Variants in ADCY6 observed in about 807,000 individuals in gnomAD.
ADCY6 encodes the protein adenylate cyclase type 6.
In ADCY6, 59 loss-of-function variants were observed where a neutral mutation model predicts 111.6. The observed-to-expected ratio is 0.53, with a 90% confidence interval of 0.43 to 0.66. ADCY6 has a LOEUF of 0.66. Among genes scored for constraint, ADCY6 ranks in the 30% least tolerant of loss-of-function variants. The pLI, the probability that ADCY6 is intolerant of heterozygous loss-of-function variation, is 0.00. For synonymous variants in ADCY6, 576 were observed against 642.9 expected (o/e 0.90, Z 1.57); for missense variants, 1,242 against 1,595.6 (o/e 0.78, Z 3.78).
chr12:48,772,991 T>C (rs1004382120), intron 16 of ADCY6, among the ~76,000 whole-genome samples: 26 of 152,200 alleles, frequency 1.7e-4, no homozygotes, highest in African/African-American at 6.3e-4. Flanking sequence ...ACACAGCTAA[T>C]GAGCAGCAGA....
chr12:48,777,454 T>G lies in ADCY6; in HGVS notation c.1204A>C (p.Met402Leu), dbSNP rs1028641078. The change falls in exon 5 of 22, where the codon ATG (methionine) becomes CTG (leucine). Residue 402 changes from methionine to leucine, a missense_variant. Around this residue, in one of 4 missense-constraint regions of ADCY6, gnomAD observed 260 missense variants for 414.6 expected, o/e 0.63. Transcript: ENST00000357869. This position sits in a 1 kb window ranked among gnomAD's most constrained non-coding sequence, Gnocchi z 4.9. ...CGGGCAAAGAGCTCATTCAGGGTCA[T>G]GACCAGCTCCTGCGCAGTGCACTGG... ...ASQCTAQELV[M>L]TLNELFARFD... 1 of 1,613,306 alleles carries G rather than the reference T, an allele frequency of 6.2e-7. No homozygotes were observed. The highest frequency in any genetic ancestry group is 8.5e-7 in the Non-Finnish European group (1 of 1,180,036).
chr12:48,783,503 C>T (rs1941911680), intron 1 of ADCY6, 65 bp from the exon 2 acceptor site: 1 of 1,602,664 alleles, frequency 6.2e-7, no homozygotes, highest in African/African-American at 1.3e-5. Flanking sequence ...ATACCACCAT[C>T]ACAGCCACTG....
chr12:48,783,073 C>A lies in ADCY6; in HGVS notation c.362G>T (p.Arg121Leu). The A allele has an allele frequency of 1.9e-6, 3 of 1,612,750 alleles. No homozygotes were observed. The highest frequency in any genetic ancestry group is 2.5e-6 in the Non-Finnish European group (3 of 1,179,650). ...VPRSGRSCWR[R>L]LVQVFQSKQF... is the part of the protein sequence containing the mutation. ...CTTCGACTGGAACACCTGCACCAGA[C>A]GGCGCCAGCAGGATCGCCCACTCCT... Residue 121 changes from arginine (R) to leucine (L), a missense_variant, in exon 2 of 22, where the codon CGT becomes CTT. Around this residue, in one of 4 missense-constraint regions of ADCY6, gnomAD observed 362 missense variants for 377.2 expected, o/e 0.96. Coordinates refer to ENST00000357869, the MANE Select transcript of ADCY6 (RefSeq NM_015270.5).
intron 21 of ADCY6, 64 bp from the exon 22 acceptor site, chr12:48,768,780 AG>A: frequency 6.3e-7 from 1 of 1,591,558 alleles, no homozygotes; most frequent in Non-Finnish European, 8.6e-7. Flanking sequence ...GCAGGGGCCC[AG>A]GGGTTCTCTA....
chr12:48,770,803 G>C lies in ADCY6; in HGVS notation c.3219C>G (p.Ile1073Met). 6.2e-7 allele frequency: 1 copy of C among 1,614,188 alleles called. No individual in the cohort carries two copies. The change falls in exon 20 of 22, where the codon ATC becomes ATG. Residue 1073 changes from isoleucine to methionine, a missense_variant. This residue lies in a region of ADCY6 where 245 missense variants were observed against 371.3 expected (regional missense o/e 0.66). Coordinates refer to ENST00000357869, the MANE Select transcript of ADCY6 (RefSeq NM_015270.5). ...AMRLMEQMKH[I>M]NEHSFNNFQM... ...GGAAATTGTTGAAGGAGTGCTCATTGATGTGCTTCATCTGCTCCATGAGCC... is the reference window on the plus strand; with the variant it reads ...GGAAATTGTTGAAGGAGTGCTCATTCATGTGCTTCATCTGCTCCATGAGCC...
chr12:48,788,765 CG>C (rs1307893689), intron 1 of ADCY6, 140 bp downstream of exon 1: 10 of 152,368 alleles, frequency 6.6e-5, no homozygotes, highest in African/African-American at 2.2e-4. Context: ...CCAACTCCCT[CG>C]GGCAACACTG....
chr12:48,778,685 C>T (rs1941769685), intron 2 of ADCY6, among the ~76,000 whole-genome samples: 1 of 152,160 alleles, frequency 6.6e-6, no homozygotes, highest in Non-Finnish European at 1.5e-5. Flanking sequence ...CAAGTCACCT[C>T]CTCTCTCTTG....
chr12:48,768,406 T>C lies in ADCY6; in HGVS notation c.*185A>G. On this transcript the variant is annotated 3_prime_UTR_variant, in exon 22 of 22. Coordinates refer to ENST00000357869, the MANE Select transcript of ADCY6 (RefSeq NM_015270.5). ...TCACTTGCATAATCCTCTCGGTAGG[T>C]AGCCCCTTGTTTTCCAGCTTGAGGG... 1 of 776,186 alleles carries C rather than the reference T, an allele frequency of 1.3e-6. No individual in the cohort carries two copies. 48.1% of individuals were successfully genotyped at this position (776,186 alleles called of 1,614,324 possible).
intron 1 of ADCY6, among the ~76,000 whole-genome samples, chr12:48,788,433 G>C (rs1942021862): frequency 6.6e-6 from 1 of 152,118 alleles, no homozygotes; most frequent in African/African-American, 2.4e-5. Context: ...GGGATGTGGG[G>C]AGCCGACCCC....
rs1426815387 is a variant in ADCY6, at chr12:48,777,996, CA to C, written c.1014+111del. ...CACAGGGCCTCTGTGACGCACAACC[CA>C]GGGGAACCATCACACTGTGCTGCAC... On this transcript the variant is annotated intron_variant, in intron 3 of 21. Coordinates refer to ENST00000357869, the MANE Select transcript of ADCY6 (RefSeq NM_015270.5). The surrounding 1 kb of genome is among the most constrained non-coding windows in gnomAD (Gnocchi z 4.9). 2.8e-6 allele frequency: 4 copies of C among 1,437,592 alleles called. No homozygotes were observed. The African/African-American group carries it at 5.7e-5, about 20-fold the overall frequency. 89.1% of individuals were successfully genotyped at this position (1,437,592 alleles called of 1,614,324 possible).
Position 48,777,576 on chromosome 12 carries a change from C to A in ADCY6, c.1136+39G>T, listed in dbSNP as rs750062776. The stretch of plus-strand genomic sequence containing the variant: ...CACATAGCCCTCAAAGACTTCCAGA[C>A]CCCCCGCCCTGCTGGGCATCCTCCT... On this transcript the variant is annotated intron_variant, in intron 4 of 21. Transcript: ENST00000357869. This position sits in a 1 kb window ranked among gnomAD's most constrained non-coding sequence, Gnocchi z 4.9. 9 of 1,612,578 alleles carry A rather than the reference C, an allele frequency of 5.6e-6. No individual in the cohort carries two copies. The South Asian group carries it at 6.6e-5, about 12-fold the overall frequency.
intron 2 of ADCY6, chr12:48,778,517 G>A (rs1225394313): frequency 1.1e-5 from 5 of 473,724 alleles, no homozygotes; most frequent in Non-Finnish European, 1.9e-5. Context: ...GACCAACTAG[G>A]GCCAGATAAG....
rs546114359 is a variant in ADCY6, at chr12:48,776,508, A to G, written c.1455T>C (p.Leu485=). 4 of 1,612,926 alleles carry G rather than the reference A, an allele frequency of 2.5e-6. No individual in the cohort carries two copies. In the South Asian group the frequency reaches 3.3e-5, roughly 13 times the overall value. The change falls in exon 7 of 22, where the codon CTT becomes CTC. Residue 485 remains leucine, a synonymous_variant. Coordinates refer to ENST00000357869, the MANE Select transcript of ADCY6 (RefSeq NM_015270.5). This position sits in a 1 kb window ranked among gnomAD's most constrained non-coding sequence, Gnocchi z 6.1. ...IHSGRVHCGV[L]GLRKWQFDVW... Reference sequence around the variant, plus strand: ...CATCGAACTGCCATTTCCGCAAGCCAAGGACGCCGCAGTGCACGCGCCCGC... The same window carrying G: ...CATCGAACTGCCATTTCCGCAAGCCGAGGACGCCGCAGTGCACGCGCCCGC...
In ADCY6 at chr12:48,771,479, C is replaced by A. The variant is rs1343072579; in HGVS notation, c.3051+231G>T. The A allele has an allele frequency of 7.5e-6, 5 of 662,460 alleles. No individual in the cohort carries two copies. Among genetic ancestry groups the A allele is most frequent in the Non-Finnish European group, 1.4e-5 (5 of 370,312 alleles). The allele number at this position is 662,460 out of a possible 1,614,324, so 41.0% of individuals were successfully genotyped here. A position where few individuals can be genotyped will look rare whatever the true frequency, so the allele number is the denominator to read the frequency against. On this transcript the variant is annotated intron_variant, in intron 19 of 21. Coordinates refer to ENST00000357869, the MANE Select transcript of ADCY6 (RefSeq NM_015270.5). The surrounding 1 kb of genome is among the most constrained non-coding windows in gnomAD (Gnocchi z 4.3). ...TATCCTATCCCCCTACAGATCAAGT[C>A]CTCCCCTGCTCCCCAACAGTGATGA...
chr12:48,774,494 G>A lies in ADCY6; in HGVS notation c.2191C>T (p.Leu731=). The A allele has an allele frequency of 6.2e-7, 1 of 1,614,000 alleles. No homozygotes were observed. The highest frequency in any genetic ancestry group is 2.2e-5 in the East Asian group (1 of 44,858). ...CGTGAGCGGACAATGCTGCGGGACA[G>A]ACGTTGCAGGGCCTTAGGGAACAGC... ...GSLFPKALQR[L]SRSIVRSRAH... The change falls in exon 14 of 22, where the codon CTG becomes TTG. Residue 731 remains leucine, a synonymous_variant. Coordinates refer to ENST00000357869, the MANE Select transcript of ADCY6 (RefSeq NM_015270.5).
At position 48,768,010 on chromosome 12, in the gene ADCY6, GC is replaced by G. The variant is rs1941421907; in HGVS notation, c.*580del. On this transcript the variant is annotated 3_prime_UTR_variant, in exon 22 of 22. Transcript: ENST00000357869. ...CATGGAAACATTCTCCTGAAATATG[GC>G]CAAAGCTGGCTCCCCAGAGCTTCTC... The G allele has an allele frequency of 6.3e-6, 1 of 157,608 alleles. No homozygotes were observed. 9.8% of individuals were successfully genotyped at this position (157,608 alleles called of 1,614,324 possible).
intron 19 of ADCY6, 26 bp from the exon 20 acceptor site, chr12:48,770,996 G>A (rs1360573284): frequency 1.2e-6 from 2 of 1,607,312 alleles, no homozygotes; most frequent in African/African-American, 1.3e-5. Context: ...AGACCTGGCT[G>A]TCAAGGCAAA....
In ADCY6 at chr12:48,775,226, C is replaced by T. The variant is rs535549652; in HGVS notation, c.1980+77G>A. 635 of 1,591,040 alleles carry T rather than the reference C, an allele frequency of 4.0e-4. 6 individuals carry two copies. In the South Asian group the frequency reaches 6.6e-3, roughly 17 times the overall value. On this transcript the variant is annotated intron_variant, in intron 11 of 21. Coordinates refer to ENST00000357869, the MANE Select transcript of ADCY6 (RefSeq NM_015270.5). ...TCCATCCCCCAGAAACACCTGTGCC[C>T]TCACCTGTGCTCAGCCTTCCCTGCT... is the stretch of plus-strand genomic sequence containing the variant.
chr12:48,774,056 T>G lies in ADCY6; in HGVS notation c.2326A>C (p.Met776Leu). The change falls in exon 15 of 22, where the codon ATG becomes CTG. Residue 776 changes from methionine (M) to leucine (L), a missense_variant. Coordinates refer to ENST00000357869, the MANE Select transcript of ADCY6 (RefSeq NM_015270.5). ...ATGTCAGCAGGTGTTAAATTCAGCA[T>G]CCGGGCTGCACAGCTCCGTATGGGG... is the stretch of plus-strand genomic sequence containing the variant. ...HTPIRSCAARMLNLTPADITA... is the reference protein window; with the variant it reads ...HTPIRSCAARLLNLTPADITA... 6.2e-7 allele frequency: 1 copy of G among 1,612,206 alleles called. No individual in the cohort carries two copies. The highest frequency in any genetic ancestry group is 2.2e-5 in the East Asian group (1 of 44,846).
Sources: allele counts gnomAD v4.1 joint callset (sites outside exome capture counted in the v4.1 genomes callset), GRCh38; gene constraint gnomAD v4.1.1; regional missense constraint gnomAD v4.1.1; non-coding constraint Gnocchi (gnomAD v3.1); transcripts MANE v1.5; gene names NCBI Gene and HGNC (gene_info 2026-07-23, HGNC 2026-07-21).